The following TNS1 variants were observed in gnomAD, a reference collection of about 807,000 sequenced individuals.
The protein encoded by TNS1 is tensin 1.
Under a neutral mutation model 168.6 loss-of-function variants are expected in TNS1, and 62 were observed. The ratio of observed to expected loss-of-function variants is 0.37; its 90% CI spans 0.30 to 0.45. TNS1 has a LOEUF of 0.45. TNS1 is among the 20% of genes least tolerant of loss of function. The probability of loss-of-function intolerance (pLI) is 1.00; values close to 1 mark genes in which losing one functional copy is unlikely to be tolerated. For missense variants in TNS1, 2,240 were observed against 2,339.4 expected, an observed-to-expected ratio of 0.96 and a Z score of 0.88; for synonymous variants, 934 against 933.2, an observed-to-expected ratio of 1.00 and a Z score of -0.02.
chr2:217,868,245 C>G (rs1031444041), intron 18 of TNS1, among the ~76,000 whole-genome samples: 6 of 152,238 alleles, frequency 3.9e-5, no homozygotes, highest in Admixed American at 2.6e-4. Context: ...GTCATTCCCA[C>G]CCTCTTGCAT....
At chr2:217,978,921 G>A in intron 2 of TNS1, 119 bp from the exon 3 acceptor site, 1 of 684,416 alleles carries the variant, frequency 1.5e-6, no homozygotes, top group Non-Finnish European at 2.7e-6. Context: ...GAGGGAAGGA[G>A]GGACGGAGGG....
At chr2:217,863,077 GTTCT>G (rs1948935638) in intron 18 of TNS1, among the ~76,000 whole-genome samples, 1 of 152,136 alleles carries the variant, frequency 6.6e-6, no homozygotes, top group African/African-American at 2.4e-5. Context: ...TTCCTGTCAA[GTTCT>G]TTCTTTTCAT....
Position 217,810,296 on chromosome 2 carries a change from T to C in TNS1, c.5056A>G (p.Ser1686Gly). Residue 1686 changes from serine to glycine, a missense_variant, in exon 29 of 33, where the codon AGC (serine) becomes GGC (glycine). Transcript: ENST00000682258. ...GCAGTTGAGTTGGCAGGGCCGGAGC[T>C]ATCTTTCGATTCATCTGTGGGGTCT... ...NRDPTDESKD[S>G]SGPANSTADL... 6.2e-7 allele frequency: 1 copy of C among 1,614,202 alleles called. No homozygotes were observed. Among genetic ancestry groups the C allele is most frequent in the Non-Finnish European group, 8.5e-7 (1 of 1,180,030 alleles).
At chr2:217,958,126 AT>A (rs1236029220) in intron 3 of TNS1, among the ~76,000 whole-genome samples, 1 of 152,172 alleles carries the variant, frequency 6.6e-6, no homozygotes, top group Non-Finnish European at 1.5e-5. Context: ...ATATTTATGT[AT>A]TTCAAGAAAA....
intron 3 of TNS1, among the ~76,000 whole-genome samples, chr2:217,929,272 G>T (rs1010192298): frequency 1.1e-4 from 16 of 152,182 alleles, no homozygotes; most frequent in Non-Finnish European, 1.6e-4. Context: ...GGATCTCAAG[G>T]GTCCCGGCTC....
intron 1 of TNS1, among the ~76,000 whole-genome samples, chr2:217,994,250 C>T (rs1277532373): frequency 6.6e-6 from 1 of 152,132 alleles, no homozygotes; most frequent in Non-Finnish European, 1.5e-5. Flanking sequence ...TGGTTTCCGT[C>T]TCGGGCCTGG....
At chr2:218,005,236 G>T (rs1269727537), upstream of TNS1, among the ~76,000 whole-genome samples, 1 of 152,204 alleles carries the variant, frequency 6.6e-6, no homozygotes, top group Admixed American at 6.5e-5. Context: ...TCACCTTGGG[G>T]CTTCCCAGAA....
At chr2:217,831,917 C>G (rs560357670) in intron 21 of TNS1, among the ~76,000 whole-genome samples, 1 of 151,208 alleles carries the variant, frequency 6.6e-6, no homozygotes, top group Admixed American at 6.6e-5. Flanking sequence ...ATAATACTCT[C>G]TCATCCCTCT....
intron 19 of TNS1, among the ~76,000 whole-genome samples, chr2:217,846,619 A>G (rs186662160): frequency 1.3e-5 from 2 of 152,314 alleles, no homozygotes; most frequent in Admixed American, 6.5e-5. Context: ...AAGTCACCCA[A>G]CAGGTTTTCC....
rs1157451121 is a variant in TNS1 at position 217,923,048 on chromosome 2, GC to G, written c.187-2813del. 2.6e-5 allele frequency among the ~76,000 whole-genome samples: 4 copies of G among 152,096 alleles called. No homozygotes were observed. In the South Asian group the frequency reaches 6.2e-4, roughly 24 times the overall value. ...CCGGAATGTGCCAGGGAGAGCCAGG[GC>G]CCCCTGCCACTCTATGGCCCATGCC... is the stretch of plus-strand genomic sequence containing the variant. On this transcript the variant is annotated intron_variant, in intron 3 of 32. Transcript: ENST00000682258.
chr2:217,861,532 T>G (rs1340158023), intron 18 of TNS1, among the ~76,000 whole-genome samples: 4 of 152,188 alleles, frequency 2.6e-5, no homozygotes, highest in African/African-American at 9.7e-5. Flanking sequence ...CAGCCTAAGA[T>G]TATGCCTGGC....
chr2:218,016,102 C>A (rs1294017652), intron 1 of TNS1, among the ~76,000 whole-genome samples: 1 of 152,092 alleles, frequency 6.6e-6, no homozygotes, highest in Non-Finnish European at 1.5e-5. Flanking sequence ...GTGGCATCAG[C>A]ACTAGCTAAT....
At position 217,920,233 on chromosome 2, in the gene TNS1, C is replaced by T; in HGVS notation, c.190G>A (p.Ala64Thr). ...SCHRKCQAKV[A>T]APCVPPSNHE... ...TTGGATGGAGGAACGCAGGGGGCAG[C>T]CACCTGTGGAAGGAACAGAGAACGG... is the stretch of plus-strand genomic sequence containing the variant. Residue 64 changes from alanine (A) to threonine (T), a missense_variant, in exon 4 of 33, where the codon GCT becomes ACT. Around this residue, in one of 2 missense-constraint regions of TNS1, gnomAD observed 2,131 missense variants for 2,171.2 expected, o/e 0.98. Coordinates refer to ENST00000682258, the MANE Select transcript of TNS1 (RefSeq NM_001387777.1). The T allele has an allele frequency of 1.4e-6, 1 of 703,036 alleles. No homozygotes were observed. 43.5% of individuals were successfully genotyped at this position (703,036 alleles called of 1,614,324 possible).
intron 1 of TNS1, among the ~76,000 whole-genome samples, chr2:218,031,277 G>C (rs1056845750): frequency 7.4e-6 from 1 of 134,690 alleles, no homozygotes; most frequent in East Asian, 2.1e-4. Flanking sequence ...TTGTGTGTGA[G>C]CGTGTATGAG....
intron 1 of TNS1, among the ~76,000 whole-genome samples, chr2:218,031,134 GTGTGTGTATGTGTTGTGTGAGCATGTC>G: frequency 9.6e-6 from 1 of 103,634 alleles, no homozygotes; most frequent in East Asian, 4.1e-4. Context: ...GTCTGTGTGT[GTGTGTGTATGTGTTGTGTGAGCATGTC>G]TATGAGTGTC....
chr2:218,024,754 C>T (rs1958838093), intron 1 of TNS1, among the ~76,000 whole-genome samples: 1 of 152,110 alleles, frequency 6.6e-6, no homozygotes. Flanking sequence ...AGGCTGTGTC[C>T]AGGGGAAGAG....
rs771477176 is a variant in TNS1 at position 217,848,318 on chromosome 2, G to T, written c.2199C>A (p.His733Gln). Residue 733 changes from histidine (H) to glutamine (Q), a missense_variant, in exon 19 of 33, where the codon CAC becomes CAA. By Grantham distance (24) the His-to-Gln change is conservative. Coordinates refer to ENST00000682258, the MANE Select transcript of TNS1 (RefSeq NM_001387777.1). ...PAWPQPVTTS[H>Q]YAHDPSGMFR... ...ACATACCGCTGGGGTCATGGGCATA[G>T]TGGGAGGTGGTCACTGGCTGTGGCC... 1.3e-6 allele frequency: 2 copies of T among 1,536,936 alleles called. No homozygotes were observed. Among genetic ancestry groups the T allele is most frequent in the Admixed American group, 4.0e-5 (2 of 49,748 alleles).
At position 217,804,252 on chromosome 2, in the gene TNS1, A is replaced by ATCTT. The variant is rs1215451079; in HGVS notation, c.*203_*206dup. 4 of 493,360 alleles carry ATCTT rather than the reference A, an allele frequency of 8.1e-6. No homozygotes were observed. Among genetic ancestry groups the ATCTT allele is most frequent in the Non-Finnish European group, 1.4e-5 (4 of 289,196 alleles). 30.6% of individuals were successfully genotyped at this position (493,360 alleles called of 1,614,324 possible). ...AGGGGAATCCAAGTTCTTCTCCTCCATCTTTCTCTCTCTCTCTCTCTCTCT... is the reference window on the plus strand; with the variant it reads ...AGGGGAATCCAAGTTCTTCTCCTCCATCTTTCTTTCTCTCTCTCTCTCTCTCTCT... On this transcript the variant is annotated 3_prime_UTR_variant, in exon 33 of 33. Coordinates refer to ENST00000682258, the MANE Select transcript of TNS1 (RefSeq NM_001387777.1).
intron 1 of TNS1, among the ~76,000 whole-genome samples, chr2:217,996,348 A>G (rs929094209): frequency 4.0e-5 from 6 of 151,610 alleles, no homozygotes; most frequent in Non-Finnish European, 7.4e-5. Flanking sequence ...ATGCCCCCTC[A>G]CCCTTAGGCT....
Sources: gnomAD v4.1 joint callset for allele counts (sites outside exome capture counted in the v4.1 genomes callset) on GRCh38, gnomAD v4.1.1 for gene constraint, gnomAD v4.1.1 regional missense constraint, MANE v1.5 for transcripts, NCBI Gene and HGNC (gene_info 2026-07-23, HGNC 2026-07-21) for gene names.